Variants in PPP2R3A observed in about 807,000 individuals in gnomAD.
PPP2R3A encodes serine/threonine-protein phosphatase 2A regulatory subunit B'' subunit alpha.
A neutral mutation model predicts 106.9 loss-of-function variants in PPP2R3A; 80 were observed. That is an observed-to-expected ratio of 0.75 (90% CI 0.62 to 0.90). The LOEUF is 0.90. Among genes scored for constraint, PPP2R3A ranks in the 40% least tolerant of loss-of-function variants. PPP2R3A has a pLI of 0.00. For missense variants in PPP2R3A, 1,386 were observed against 1,350.4 expected (o/e 1.03, Z -0.41); for synonymous variants, 483 against 468.3 (o/e 1.03, Z -0.41).
chr3:136,074,539 T>C (rs1466544656), intron 6 of PPP2R3A, among the ~76,000 whole-genome samples: 1 of 152,250 alleles, frequency 6.6e-6, no homozygotes, highest in East Asian at 1.9e-4. Context: ...ATAAAAGGTT[T>C]TGCTTATCCA....
In PPP2R3A at chr3:136,041,250, G is replaced by GTTTTTTTTTTTTTTTTTTTT. The variant is rs1246326384; in HGVS notation, c.2366+299_2366+300insTTTTTTTTTTTTTTTTTTTT. Among the ~76,000 whole-genome samples the GTTTTTTTTTTTTTTTTTTTT allele has an allele frequency of 1.6e-4, 9 of 56,564 alleles. 1 individual carries two copies. The highest frequency in any genetic ancestry group is 3.6e-4 in the African/African-American group (6 of 16,876). The allele number at this position is 56,564 out of a possible 152,430, so 37.1% of individuals were successfully genotyped here. ...CTTGGTTTTTCTTGTTTTTTTTTTT[G>GTTTTTTTTTTTTTTTTTTTT]TTTTTTTTTTTGTTTTTTTTTTTTT... On this transcript the variant is annotated intron_variant, in intron 4 of 13. Coordinates refer to ENST00000264977, the MANE Select transcript of PPP2R3A (RefSeq NM_002718.5).
At chr3:136,122,369 G>C (rs1012213870) in intron 13 of PPP2R3A, among the ~76,000 whole-genome samples, 2 of 152,140 alleles carry the variant, frequency 1.3e-5, no homozygotes, top group African/African-American at 4.8e-5. Flanking sequence ...CTCCATATAT[G>C]TGAAGGATTG....
Position 136,003,345 on chromosome 3 carries a change from C to A in PPP2R3A, c.1847C>A (p.Ser616Ter). The change falls in exon 2 of 14, where the codon TCA (serine) becomes TAA (stop). Residue 616 changes from serine to a stop codon, truncating the protein, a stop_gained. Coordinates refer to ENST00000264977, the MANE Select transcript of PPP2R3A (RefSeq NM_002718.5). LOFTEE classifies it high-confidence loss of function. ...VECKSSRGSL[S>*]QEKEMMQILQ... ...TGCAAATCAAGCAGAGGGAGCCTAT[C>A]ACAAGAAAAGGAAATGATGCAAATT... The A allele has an allele frequency of 6.2e-7, 1 of 1,613,944 alleles. No individual in the cohort carries two copies.
At chr3:136,000,793 T>G (rs534886405) in intron 1 of PPP2R3A, among the ~76,000 whole-genome samples, 59 of 152,284 alleles carry the variant, frequency 3.9e-4, no homozygotes, top group Non-Finnish European at 7.2e-4. Flanking sequence ...AATCTAAGCT[T>G]CTTAATATCA....
rs530635616 is a variant in PPP2R3A at position 135,972,602 on chromosome 3, G to A, written c.-441+6753G>A. On this transcript the variant is annotated intron_variant, in intron 1 of 13. Coordinates refer to ENST00000264977, the MANE Select transcript of PPP2R3A (RefSeq NM_002718.5). ...TTTCCAGCAATTTTTGAGAATTCTA[G>A]TTTCTCCACCTCCTCGCCAGCACTT... Among the ~76,000 whole-genome samples the A allele has an allele frequency of 6.3e-4, 96 of 152,256 alleles. No homozygotes were observed. In the South Asian group the frequency reaches 0.01, roughly 16 times the overall value.
chr3:136,120,225 G>A (rs1417809049), intron 13 of PPP2R3A, among the ~76,000 whole-genome samples: 1 of 152,056 alleles, frequency 6.6e-6, no homozygotes, highest in Non-Finnish European at 1.5e-5. Context: ...ACCATGGCAT[G>A]TGTATACCTA....
At chr3:136,074,161 C>T (rs527824217) in intron 6 of PPP2R3A, among the ~76,000 whole-genome samples, 8 of 152,310 alleles carry the variant, frequency 5.3e-5, no homozygotes, top group African/African-American at 1.9e-4. Context: ...GAAGAAACCA[C>T]TGACATAGAG....
chr3:136,140,912 A>AAATG (rs909606806), intron 13 of PPP2R3A, among the ~76,000 whole-genome samples: 31 of 152,192 alleles, frequency 2.0e-4, no homozygotes, highest in Non-Finnish European at 2.9e-4. Flanking sequence ...TCTCAAAAAT[A>AAATG]AATGAATGAA....
Position 136,001,893 on chromosome 3 carries a change from T to C in PPP2R3A, c.395T>C (p.Leu132Pro). 3 of 1,614,124 alleles carry C rather than the reference T, an allele frequency of 1.9e-6. No homozygotes were observed. The highest frequency in any genetic ancestry group is 1.1e-5 in the South Asian group (1 of 91,082). Residue 132 changes from leucine to proline, a missense_variant, in exon 2 of 14, where the codon CTC becomes CCC. Transcript: ENST00000264977. ...ATAAAAGAATTTTCCTTTGAAAAACTCAAAAACTCTAACCATGCAGCTTAC... is the reference window on the plus strand; with the variant it reads ...ATAAAAGAATTTTCCTTTGAAAAACCCAAAAACTCTAACCATGCAGCTTAC... ...GKIKEFSFEK[L>P]KNSNHAAYRK...
At chr3:135,977,470 G>A (rs1309656524) in intron 1 of PPP2R3A, among the ~76,000 whole-genome samples, 2 of 152,030 alleles carry the variant, frequency 1.3e-5, no homozygotes, top group Non-Finnish European at 2.9e-5. Context: ...ATTGTTTATT[G>A]TCTGCTTTGT....
Position 136,001,829 on chromosome 3 carries a change from G to T in PPP2R3A, c.331G>T (p.Asp111Tyr). The change falls in exon 2 of 14, where the codon GAT (aspartate) becomes TAT (tyrosine). Residue 111 changes from aspartate (D) to tyrosine (Y), a missense_variant. By Grantham distance (160) the Asp-to-Tyr change is radical. Coordinates refer to ENST00000264977, the MANE Select transcript of PPP2R3A (RefSeq NM_002718.5). ...STFQNTYNLKDIAGEAISFAS... is the reference protein window; with the variant it reads ...STFQNTYNLKYIAGEAISFAS... ...ATTTCAGAATACCTACAACTTAAAG[G>T]ATATTGCAGGAGAAGCAATCAGTTT... is the stretch of plus-strand genomic sequence containing the variant. 1 of 1,614,100 alleles carries T rather than the reference G, an allele frequency of 6.2e-7. No homozygotes were observed. The highest frequency in any genetic ancestry group is 8.5e-7 in the Non-Finnish European group (1 of 1,180,002).
At chr3:136,113,463 A>G (rs1038771491) in intron 13 of PPP2R3A, among the ~76,000 whole-genome samples, 3 of 152,126 alleles carry the variant, frequency 2.0e-5, no homozygotes, top group African/African-American at 7.2e-5. Context: ...TCCTTTCACC[A>G]TATACAAAAG....
intron 1 of PPP2R3A, among the ~76,000 whole-genome samples, chr3:135,996,230 A>C (rs2035622446): frequency 6.6e-6 from 1 of 152,234 alleles, no homozygotes; most frequent in Non-Finnish European, 1.5e-5. Flanking sequence ...CTGGCCTCAG[A>C]AACTTTCTCT....
At chr3:136,014,239 A>C (rs1048594154) in intron 2 of PPP2R3A, among the ~76,000 whole-genome samples, 4 of 152,100 alleles carry the variant, frequency 2.6e-5, no homozygotes, top group Non-Finnish European at 5.9e-5. Flanking sequence ...TATAGTTTGA[A>C]GTCAGGTAAT....
chr3:136,115,538 C>G (rs770843466), intron 13 of PPP2R3A, among the ~76,000 whole-genome samples: 12 of 151,650 alleles, frequency 7.9e-5, no homozygotes, highest in South Asian at 4.2e-4. Flanking sequence ...GAATAACCAG[C>G]CTAAAGAACA....
At chr3:135,987,302 T>C (rs1295025556) in intron 1 of PPP2R3A, among the ~76,000 whole-genome samples, 1 of 152,128 alleles carries the variant, frequency 6.6e-6, no homozygotes, top group Non-Finnish European at 1.5e-5. Context: ...GTATCAGTAT[T>C]TTTGTGCTGG....
At chr3:135,982,392 G>A (rs1052169870) in intron 1 of PPP2R3A, among the ~76,000 whole-genome samples, 2 of 152,094 alleles carry the variant, frequency 1.3e-5, no homozygotes, top group Admixed American at 6.5e-5. Flanking sequence ...TAGGATGTCC[G>A]CTGAATGAAG....
At chr3:135,980,297 GA>G (rs1937523325) in intron 1 of PPP2R3A, among the ~76,000 whole-genome samples, 1 of 151,776 alleles carries the variant, frequency 6.6e-6, no homozygotes, top group African/African-American at 2.4e-5. Flanking sequence ...TCTTGCCTGT[GA>G]ACAAGGCAGG....
At chr3:136,016,852 A>G (rs1006300301) in intron 2 of PPP2R3A, among the ~76,000 whole-genome samples, 5 of 152,112 alleles carry the variant, frequency 3.3e-5, no homozygotes, top group Admixed American at 3.3e-4. Context: ...TCTATTCATC[A>G]TATTAGTTGT....
Sources: gnomAD v4.1 joint callset for allele counts (sites outside exome capture counted in the v4.1 genomes callset) on GRCh38, gnomAD v4.1.1 for gene constraint, MANE v1.5 for transcripts, NCBI Gene and HGNC (gene_info 2026-07-23, HGNC 2026-07-21) for gene names.